The following SLC5A12 variants were observed in gnomAD, a reference collection of about 807,000 sequenced individuals.
SLC5A12 encodes the protein sodium-coupled monocarboxylate transporter 2.
In SLC5A12, 46 loss-of-function variants were observed where a neutral mutation model predicts 72.7. The observed-to-expected ratio is 0.63, with a 90% CI of 0.50 to 0.81. The LOEUF (loss-of-function observed/expected upper bound fraction) is 0.81, where lower values mean the gene tolerates loss of function less well. Ranked by LOEUF, SLC5A12 falls within the 30% of genes least tolerant of loss-of-function variation. The pLI, the probability that SLC5A12 is intolerant of heterozygous loss-of-function variation, is 0.00. For synonymous variants in SLC5A12, 275 were observed against 264.4 expected, an observed-to-expected ratio of 1.04 and a Z score of -0.39; for missense variants, 683 against 740.7, an observed-to-expected ratio of 0.92 and a Z score of 0.90.
chr11:26,673,658 AAT>A, intron 13 of SLC5A12, 129 bp from the exon 14 acceptor site: 1 of 1,213,350 alleles, frequency 8.2e-7, no homozygotes, highest in East Asian at 2.7e-5. Flanking sequence ...TTGAGTGGTT[AAT>A]AAACAGAAAT....
rs1436356555 is a variant in SLC5A12, at chr11:26,703,885, G to T, written c.588C>A (p.Phe196Leu). 3.1e-6 allele frequency: 5 copies of T among 1,613,802 alleles called. No homozygotes were observed. Among genetic ancestry groups the T allele is most frequent in the Non-Finnish European group, 4.2e-6 (5 of 1,179,878 alleles). The change falls in exon 5 of 15, where the codon TTC becomes TTA. Residue 196 changes from phenylalanine to leucine, a missense_variant. Coordinates refer to ENST00000396005, the MANE Select transcript of SLC5A12 (RefSeq NM_178498.4). The stretch of plus-strand genomic sequence containing the variant: ...TTGATCCTTGAATGAGAACCGTTAA[G>T]AAGCCCACAATCATGACAACCATCT... ...AFQMVVMIVGFLTVLIQGSTH... is the reference protein window; with the variant it reads ...AFQMVVMIVGLLTVLIQGSTH...
At chr11:26,678,846 A>G (rs1258797797) in intron 12 of SLC5A12, 31 bp from the exon 13 acceptor site, 2 of 1,483,516 alleles carry the variant, frequency 1.3e-6, no homozygotes, top group African/African-American at 2.8e-5. Context: ...CACCAATTCC[A>G]TGCATCCTAA....
chr11:26,689,733 T>C (rs1854622032), intron 9 of SLC5A12, among the ~76,000 whole-genome samples: 1 of 152,162 alleles, frequency 6.6e-6, no homozygotes, highest in Admixed American at 6.5e-5. Context: ...CATGTTACAA[T>C]AATTTGGGGG....
At chr11:26,689,732 A>G (rs1166041481) in intron 9 of SLC5A12, among the ~76,000 whole-genome samples, 1 of 152,200 alleles carries the variant, frequency 6.6e-6, no homozygotes, top group Non-Finnish European at 1.5e-5. Flanking sequence ...GCATGTTACA[A>G]TAATTTGGGG....
In SLC5A12 at chr11:26,696,514, A is replaced by G. The variant is rs76817708; in HGVS notation, c.1040+650T>C. Among the ~76,000 whole-genome samples, 164 of 152,324 alleles carry G rather than the reference A, an allele frequency of 1.1e-3. 1 individual carries two copies. The highest frequency in any genetic ancestry group is 3.6e-3 in the African/African-American group (150 of 41,572). The stretch of plus-strand genomic sequence containing the variant: ...ATTTCATCATTGTGCAAACATCATA[A>G]TGTGCTTACACAAACCTAGATGGCA... On this transcript the variant is annotated intron_variant, in intron 8 of 14. Transcript: ENST00000396005.
intron 8 of SLC5A12, among the ~76,000 whole-genome samples, chr11:26,696,901 G>T (rs943948558): frequency 2.8e-4 from 42 of 152,066 alleles, no homozygotes; most frequent in African/African-American, 1.0e-3. Flanking sequence ...ACAGACCAAG[G>T]CTTACATCCA....
intron 4 of SLC5A12, 23 bp downstream of exon 4, chr11:26,709,289 C>T (rs754280770): frequency 8.8e-6 from 14 of 1,583,034 alleles, no homozygotes; most frequent in South Asian, 1.1e-5. Context: ...GTGTTAAATA[C>T]TTCTTCACAG....
intron 9 of SLC5A12, among the ~76,000 whole-genome samples, chr11:26,689,261 C>T (rs1403645525): frequency 2.6e-5 from 4 of 151,806 alleles, no homozygotes; most frequent in African/African-American, 2.4e-5. Flanking sequence ...AGCCGGGTGT[C>T]GTGGCATGCG....
rs377599127 is a variant in SLC5A12, at chr11:26,710,270, G to A, written c.458-891C>T. ...TTTCTTTATCCAGTCTATCATTGAT[G>A]GGCATTTGGGTTGGTTCCAAGTCTT... On this transcript the variant is annotated intron_variant, in intron 3 of 14. Coordinates refer to ENST00000396005, the MANE Select transcript of SLC5A12 (RefSeq NM_178498.4). Among the ~76,000 whole-genome samples, 56 of 152,236 alleles carry A rather than the reference G, an allele frequency of 3.7e-4. 1 individual carries two copies. In the East Asian group the frequency reaches 9.5e-3, roughly 26 times the overall value.
rs201117122 is a variant in SLC5A12, at chr11:26,703,541, G to C, written c.811C>G (p.His271Asp). ...QRCISCKTEK[H>D]AKLALYFNLL... ...TGACTGAGAACTTACAGCTTAGCAT[G>C]CTTTTCTGTTTTGCAAGAGATGCAT... Residue 271 changes from histidine to aspartate, a missense_variant, in exon 6 of 15, where the codon CAT becomes GAT. Physicochemically the swap from His to Asp is moderately conservative, Grantham distance 81. Transcript: ENST00000396005. 8.6e-5 allele frequency: 139 copies of C among 1,613,366 alleles called. No homozygotes were observed. Among genetic ancestry groups the C allele is most frequent in the Middle Eastern group, 1.6e-4 (1 of 6,084 alleles).
chr11:26,689,906 C>T (rs1854625583), intron 9 of SLC5A12, among the ~76,000 whole-genome samples: 1 of 152,022 alleles, frequency 6.6e-6, no homozygotes, highest in South Asian at 2.1e-4. Flanking sequence ...AGTTTTAAAA[C>T]TTGGCCATAT....
chr11:26,686,972 G>T (rs1044371988), intron 9 of SLC5A12, among the ~76,000 whole-genome samples: 1 of 152,138 alleles, frequency 6.6e-6, no homozygotes, highest in Non-Finnish European at 1.5e-5. Flanking sequence ...CTTAACAATG[G>T]TTAAATAATG....
At chr11:26,708,040 T>C (rs562597972) in intron 4 of SLC5A12, among the ~76,000 whole-genome samples, 1 of 152,180 alleles carries the variant, frequency 6.6e-6, no homozygotes, top group Non-Finnish European at 1.5e-5. Context: ...GTAGTACTGT[T>C]ATCACCACCT....
chr11:26,674,280 G>C (rs68097741), intron 13 of SLC5A12, among the ~76,000 whole-genome samples: 9,549 of 152,092 alleles, frequency 0.063, 318 homozygotes, highest in Middle Eastern at 0.11. Context: ...TCCCTAGAGG[G>C]AGGAGTGGAG....
At chr11:26,715,595 A>G (rs571257744) in intron 1 of SLC5A12, among the ~76,000 whole-genome samples, 1 of 152,152 alleles carries the variant, frequency 6.6e-6, no homozygotes, top group Non-Finnish European at 1.5e-5. Context: ...CTTCCCCCAA[A>G]TCAACTTGCA....
At chr11:26,686,656 C>A (rs909054831) in intron 9 of SLC5A12, 112 bp from the exon 10 acceptor site, 52 of 871,336 alleles carry the variant, frequency 6.0e-5, no homozygotes, top group Admixed American at 1.0e-4. Flanking sequence ...GCAAAGGGAT[C>A]TCAGCGAGGA....
Position 26,680,399 on chromosome 11 carries a change from A to AT in SLC5A12, c.1475+655dup, listed in dbSNP as rs1854381225. On this transcript the variant is annotated intron_variant, in intron 12 of 14. Transcript: ENST00000396005. ...TATATATATGTATATATATTCATATATATATATATATTTCCTCATTTTTCC... is the reference window on the plus strand; with the variant it reads ...TATATATATGTATATATATTCATATATTATATATATATTTCCTCATTTTTCC... Among the ~76,000 whole-genome samples, 3 of 117,372 alleles carry AT rather than the reference A, an allele frequency of 2.6e-5. No individual in the cohort carries two copies. The South Asian group carries it at 7.3e-4, about 29-fold the overall frequency. 77.0% of individuals were successfully genotyped at this position (117,372 alleles called of 152,430 possible). A position where few individuals can be genotyped will look rare whatever the true frequency, so the allele number is the denominator to read the frequency against.
At position 26,669,919 on chromosome 11, in the gene SLC5A12, T is replaced by C. The variant is rs941097257; in HGVS notation, c.*1183A>G. On this transcript the variant is annotated 3_prime_UTR_variant, in exon 15 of 15. Transcript: ENST00000396005. ...ATACAACTTTGTTTCTTATTATCTG[T>C]CCTCTGACTTGGCCCCTGTGACATA... 1 of 152,128 alleles carries C rather than the reference T, an allele frequency of 6.6e-6. No homozygotes were observed. The highest frequency in any genetic ancestry group is 1.5e-5 in the Non-Finnish European group (1 of 68,006). The allele number at this position is 152,128 out of a possible 1,614,324, so 9.4% of individuals were successfully genotyped here.
chr11:26,689,869 C>A (rs1224433897), intron 9 of SLC5A12, among the ~76,000 whole-genome samples: 1 of 151,952 alleles, frequency 6.6e-6, no homozygotes, highest in East Asian at 1.9e-4. Context: ...AGAATCTAGG[C>A]AATGTGTATA....
Sources: gnomAD v4.1 joint callset for allele counts (sites outside exome capture counted in the v4.1 genomes callset) on GRCh38, gnomAD v4.1.1 for gene constraint, MANE v1.5 for transcripts, NCBI Gene and HGNC (gene_info 2026-07-23, HGNC 2026-07-21) for gene names.